Variants in MAF observed in about 807,000 individuals in gnomAD.
MAF encodes transcription factor Maf.
In MAF, 10 loss-of-function variants were observed where a neutral mutation model predicts 22.0. The observed-to-expected ratio is 0.45, with a 90% CI of 0.28 to 0.77. MAF has a LOEUF of 0.77. MAF is among the 30% of genes least tolerant of loss of function. MAF has a pLI of 0.12. For missense variants in MAF, 544 were observed against 548.4 expected (o/e 0.99, Z 0.08); for synonymous variants, 337 against 255.8 (o/e 1.32, Z -3.03).
chr16:79,432,446 G>T, the MAF span, among the ~76,000 whole-genome samples: 4 of 152,092 alleles, frequency 2.6e-5, no homozygotes, highest in African/African-American at 9.7e-5. Context: ...ATTAGGCACA[G>T]AAGTAGATTA....
chr16:79,580,502 G>C, the MAF span, among the ~76,000 whole-genome samples: 1 of 152,306 alleles, frequency 6.6e-6, no homozygotes, highest in African/African-American at 2.4e-5. Context: ...CGCTGGATTA[G>C]AAAAACATCG....
At chr16:79,466,923 G>A in the MAF span, among the ~76,000 whole-genome samples, 14 of 152,306 alleles carry the variant, frequency 9.2e-5, no homozygotes, top group African/African-American at 3.1e-4. Context: ...GGACCACGGA[G>A]GAATCAGGTT....
the MAF span, among the ~76,000 whole-genome samples, chr16:79,410,825 C>T: frequency 1.3e-5 from 2 of 152,126 alleles, no homozygotes; most frequent in African/African-American, 2.4e-5. Context: ...CTTGTAGGGG[C>T]TGGGGTTTGG....
the MAF span, among the ~76,000 whole-genome samples, chr16:79,376,478 TTTTGTTTTGC>T: frequency 6.6e-6 from 1 of 152,180 alleles, no homozygotes; most frequent in Non-Finnish European, 1.5e-5. Context: ...TTTTGTTTTG[TTTTGTTTTGC>T]TTTGTTTAGT....
the MAF span, among the ~76,000 whole-genome samples, chr16:79,547,866 T>TTG: frequency 8.5e-4 from 126 of 147,728 alleles, no homozygotes; most frequent in Non-Finnish European, 1.1e-3. Flanking sequence ...AACTATCTCC[T>TTG]TGTGTGTGTG....
chr16:79,313,941 A>G, the MAF span, among the ~76,000 whole-genome samples: 1 of 152,172 alleles, frequency 6.6e-6, no homozygotes, highest in Non-Finnish European at 1.5e-5. Flanking sequence ...CGTTCACAGG[A>G]TGTCTGCGAT....
At chr16:79,384,799 C>T in the MAF span, among the ~76,000 whole-genome samples, 1 of 152,104 alleles carries the variant, frequency 6.6e-6, no homozygotes, top group Admixed American at 6.6e-5. Context: ...GGGGAGCATG[C>T]TCACTTTGGG....
At chr16:79,465,450 G>T in the MAF span, among the ~76,000 whole-genome samples, 2 of 152,064 alleles carry the variant, frequency 1.3e-5, no homozygotes, top group Non-Finnish European at 2.9e-5. Flanking sequence ...AAAATTAATT[G>T]GGTGTGGTGA....
chr16:79,573,777 C>A, the MAF span, among the ~76,000 whole-genome samples: 2 of 152,172 alleles, frequency 1.3e-5, no homozygotes, highest in Admixed American at 1.3e-4. Context: ...CTACATTTAA[C>A]AGGCTGTCCA....
the MAF span, among the ~76,000 whole-genome samples, chr16:79,576,223 T>C: frequency 8.0e-6 from 1 of 125,202 alleles, no homozygotes; most frequent in Non-Finnish European, 1.6e-5. Context: ...AAAAGAGTCC[T>C]GTGGTACTAA....
At chr16:79,577,069 T>G in the MAF span, among the ~76,000 whole-genome samples, 3 of 151,890 alleles carry the variant, frequency 2.0e-5, no homozygotes, top group Non-Finnish European at 4.4e-5. Context: ...TAAATGGTCA[T>G]AAAAGGACAC....
At chr16:79,336,172 T>C in the MAF span, among the ~76,000 whole-genome samples, 5 of 152,206 alleles carry the variant, frequency 3.3e-5, no homozygotes, top group African/African-American at 1.2e-4. Context: ...GCTTCAGGTG[T>C]CTCATCTAAA....
At chr16:79,438,892 G>C in the MAF span, among the ~76,000 whole-genome samples, 2 of 152,094 alleles carry the variant, frequency 1.3e-5, no homozygotes, top group Non-Finnish European at 2.9e-5. Context: ...TTCATCCCTG[G>C]GACCGTCCAG....
At chr16:79,297,388 G>T in the MAF span, among the ~76,000 whole-genome samples, 16 of 152,152 alleles carry the variant, frequency 1.1e-4, no homozygotes, top group African/African-American at 3.9e-4. Context: ...TGTGGGCAAG[G>T]CTTGATGCTA....
At chr16:79,208,227 G>A in the MAF span, among the ~76,000 whole-genome samples, 2 of 152,300 alleles carry the variant, frequency 1.3e-5, no homozygotes, top group Admixed American at 6.5e-5. Flanking sequence ...ATTCGGGCAT[G>A]ATTAAAAAGA....
the MAF span, among the ~76,000 whole-genome samples, chr16:79,528,337 G>A: frequency 1.1e-4 from 17 of 152,090 alleles, no homozygotes; most frequent in East Asian, 5.8e-4. Context: ...GAAAAAGGCC[G>A]AGCTCATGTG....
chr16:79,593,734 A>G (rs762847550), downstream of MAF: 56 of 170,400 alleles, frequency 3.3e-4, no homozygotes, highest in Non-Finnish European at 6.1e-4. Flanking sequence ...ATGGTTTTTG[A>G]AAAGGGAAAC....
At chr16:79,585,959 T>G (rs1392767186) in intron 1 of MAF, 1 of 673,694 alleles carries the variant, frequency 1.5e-6, no homozygotes. Flanking sequence ...AGTAAATATA[T>G]TAAAATAAAC....
the MAF span, among the ~76,000 whole-genome samples, chr16:79,493,606 C>T: frequency 6.6e-6 from 1 of 152,214 alleles, no homozygotes; most frequent in African/African-American, 2.4e-5. Context: ...AGCCACTGTG[C>T]CCAGTCTCGG....
Sources: allele counts gnomAD v4.1 joint callset (sites outside exome capture counted in the v4.1 genomes callset), GRCh38; gene constraint gnomAD v4.1.1; transcripts MANE v1.5; gene names NCBI Gene and HGNC (gene_info 2026-07-23, HGNC 2026-07-21).